PCYT1A: variants seen among roughly 807,000 people sequenced by gnomAD.
The protein encoded by PCYT1A is phosphate cytidylyltransferase 1A, choline, also known as choline-phosphate cytidylyltransferase A.
In PCYT1A, 25 loss-of-function variants were observed where a neutral mutation model predicts 43.7. The ratio of observed to expected loss-of-function variants is 0.57; its 90% CI spans 0.42 to 0.80. PCYT1A has a LOEUF of 0.80. Ranked by LOEUF, PCYT1A falls within the 30% of genes least tolerant of loss-of-function variation. The probability of loss-of-function intolerance (pLI) is 0.00; values close to 1 mark genes in which losing one functional copy is unlikely to be tolerated. For missense variants in PCYT1A, 421 were observed against 474.2 expected, an observed-to-expected ratio of 0.89 and a Z score of 1.04; for synonymous variants, 172 against 170.7, an observed-to-expected ratio of 1.01 and a Z score of -0.06.
chr3:196,265,195 C>T (rs1725230778), intron 2 of PCYT1A, among the ~76,000 whole-genome samples: 1 of 151,964 alleles, frequency 6.6e-6, no homozygotes, highest in South Asian at 2.1e-4. Context: ...TCCTGAGTAG[C>T]TGGGATTACA....
intron 1 of PCYT1A, among the ~76,000 whole-genome samples, chr3:196,280,545 T>G (rs2108782641): frequency 6.6e-6 from 1 of 151,782 alleles, no homozygotes; most frequent in Admixed American, 6.6e-5. Context: ...GTACTGTTTT[T>G]TATTGTTGTA....
At chr3:196,254,019 G>T (rs1351333297) in intron 3 of PCYT1A, among the ~76,000 whole-genome samples, 1 of 148,910 alleles carries the variant, frequency 6.7e-6, no homozygotes, top group African/African-American at 2.5e-5. Context: ...ATGTTATATA[G>T]ATAGATAGAT....
chr3:196,236,073 A>T lies in PCYT1A; in HGVS notation c.*2615T>A, dbSNP rs1242578380. ...AATAACATGTACGTTTGCTGGCCCT[A>T]GCAGTCTCAGAGGCCTGTCAGCCTG... is the stretch of plus-strand genomic sequence containing the variant. On this transcript the variant is annotated 3_prime_UTR_variant, in exon 9 of 9. Transcript: ENST00000431016. 6.6e-6 allele frequency: 1 copy of T among 152,250 alleles called. No homozygotes were observed. The highest frequency in any genetic ancestry group is 2.4e-5 in the African/African-American group (1 of 41,454). The allele number at this position is 152,250 out of a possible 1,614,324, so 9.4% of individuals were successfully genotyped here.
chr3:196,246,566 A>G (rs1577357538), intron 5 of PCYT1A, among the ~76,000 whole-genome samples: 2 of 152,198 alleles, frequency 1.3e-5, no homozygotes, highest in Non-Finnish European at 2.9e-5. Flanking sequence ...GGGAGAATTA[A>G]AAGGAGGTAA....
At position 196,247,312 on chromosome 3, in the gene PCYT1A, T is replaced by G; in HGVS notation, c.486+55A>C. 185 of 1,583,254 alleles carry G rather than the reference T, an allele frequency of 1.2e-4. No individual in the cohort carries two copies. The highest frequency in any genetic ancestry group is 1.5e-4 in the Non-Finnish European group (172 of 1,155,858). On this transcript the variant is annotated intron_variant, in intron 5 of 8. Coordinates refer to ENST00000431016, the MANE Select transcript of PCYT1A (RefSeq NM_001312673.2). The surrounding 1 kb of genome is among the most constrained non-coding windows in gnomAD (Gnocchi z 4.8). ...AAACCAGCCTACGTGCCAGCAGCTT[T>G]GAGAGTTGAGGGGATTCTGAAACAA...
chr3:196,282,127 T>C lies in PCYT1A; in HGVS notation c.-11+5488A>G, dbSNP rs567464474. ...AGACCTTAGCTTTGAACTGGATCTCTTCCCTCTAATTTCGTCAGAGAAACC... is the reference window on the plus strand; with the variant it reads ...AGACCTTAGCTTTGAACTGGATCTCCTCCCTCTAATTTCGTCAGAGAAACC... On this transcript the variant is annotated intron_variant, in intron 1 of 8. Coordinates refer to ENST00000431016, the MANE Select transcript of PCYT1A (RefSeq NM_001312673.2). This position sits in a 1 kb window ranked among gnomAD's most constrained non-coding sequence, Gnocchi z 4.3. Among the ~76,000 whole-genome samples the C allele has an allele frequency of 1.7e-3, 264 of 152,250 alleles. 2 individuals are homozygous for C. The highest frequency in any genetic ancestry group is 6.1e-3 in the African/African-American group (255 of 41,568).
At chr3:196,255,953 T>C (rs1440994221) in intron 3 of PCYT1A, among the ~76,000 whole-genome samples, 2 of 152,202 alleles carry the variant, frequency 1.3e-5, no homozygotes, top group African/African-American at 2.4e-5. Context: ...CTGGCTACCA[T>C]TACACAATCC....
chr3:196,279,232 G>A (rs1251875989), intron 1 of PCYT1A, among the ~76,000 whole-genome samples: 2 of 148,676 alleles, frequency 1.3e-5, no homozygotes, highest in Non-Finnish European at 3.0e-5. Flanking sequence ...AGGCTGCAGT[G>A]AGCCATGATC....
At chr3:196,250,897 G>A (rs1261097665) in intron 3 of PCYT1A, among the ~76,000 whole-genome samples, 1 of 151,738 alleles carries the variant, frequency 6.6e-6, no homozygotes, top group Non-Finnish European at 1.5e-5. Flanking sequence ...TGCTGAGGCT[G>A]AGGACCAGAT....
At chr3:196,248,627 C>T (rs1462861445) in intron 3 of PCYT1A, among the ~76,000 whole-genome samples, 2 of 152,150 alleles carry the variant, frequency 1.3e-5, no homozygotes, top group Non-Finnish European at 2.9e-5. Context: ...CAGCCTCAGC[C>T]TCCCAAAGTG....
chr3:196,283,739 A>G (rs777705372), intron 1 of PCYT1A, among the ~76,000 whole-genome samples: 41 of 152,334 alleles, frequency 2.7e-4, no homozygotes, highest in Non-Finnish European at 4.9e-4. Context: ...TACGCTTAGG[A>G]AAGAGGTTCA....
chr3:196,284,030 A>G (rs940373455), intron 1 of PCYT1A, among the ~76,000 whole-genome samples: 5 of 152,252 alleles, frequency 3.3e-5, no homozygotes, highest in Non-Finnish European at 5.9e-5. Flanking sequence ...TATTCTTTCC[A>G]ATCTATTTCA....
intron 3 of PCYT1A, among the ~76,000 whole-genome samples, chr3:196,255,927 C>T (rs753575694): frequency 6.6e-6 from 1 of 152,152 alleles, no homozygotes; most frequent in South Asian, 2.1e-4. Context: ...TATCTTCTGG[C>T]GTTTTGAAGT....
intron 1 of PCYT1A, among the ~76,000 whole-genome samples, chr3:196,281,048 C>T (rs1725755411): frequency 6.6e-6 from 1 of 152,218 alleles, no homozygotes; most frequent in South Asian, 2.1e-4. Context: ...CTGCCTTCCC[C>T]ATCTCTAGGC....
At chr3:196,253,041 T>A (rs1724849628) in intron 3 of PCYT1A, among the ~76,000 whole-genome samples, 1 of 152,028 alleles carries the variant, frequency 6.6e-6, no homozygotes, top group Admixed American at 6.6e-5. Flanking sequence ...AAATAATACA[T>A]TAAAAAGATT....
Position 196,277,617 on chromosome 3 carries a change from T to C in PCYT1A, c.-10-7076A>G, listed in dbSNP as rs553975963. On this transcript the variant is annotated intron_variant, in intron 1 of 8. Coordinates refer to ENST00000431016, the MANE Select transcript of PCYT1A (RefSeq NM_001312673.2). The surrounding 1 kb of genome is among the most constrained non-coding windows in gnomAD (Gnocchi z 4.1). ...TGGGCGCGGTGGCTCATGCCTGTAATCCCAGCACTTTGGGAGACCAAGGTG... is the reference window on the plus strand; with the variant it reads ...TGGGCGCGGTGGCTCATGCCTGTAACCCCAGCACTTTGGGAGACCAAGGTG... 6.6e-6 allele frequency among the ~76,000 whole-genome samples: 1 copy of C among 152,234 alleles called. No homozygotes were observed. The highest frequency in any genetic ancestry group is 1.9e-4 in the East Asian group (1 of 5,196).
chr3:196,249,313 ATTTTT>A (rs10668425), intron 3 of PCYT1A, among the ~76,000 whole-genome samples: 5 of 125,814 alleles, frequency 4.0e-5, no homozygotes, highest in East Asian at 4.8e-4. Flanking sequence ...TGCCCAGCTA[ATTTTT>A]TTTTTTTTTT....
At chr3:196,274,836 G>A (rs1390017709) in intron 1 of PCYT1A, among the ~76,000 whole-genome samples, 1 of 152,156 alleles carries the variant, frequency 6.6e-6, no homozygotes, top group East Asian at 1.9e-4. Context: ...TGTCAGAGTC[G>A]AAAGTGAAAG....
rs57443989 is a variant in PCYT1A at position 196,276,194 on chromosome 3, T to A, written c.-10-5653A>T. On this transcript the variant is annotated intron_variant, in intron 1 of 8. Transcript: ENST00000431016. ...TTTAAATGTTTTCACCACAAAAAAA[T>A]AAGTATATAAGGCAAGGAATTTGTT... 5.1e-3 allele frequency among the ~76,000 whole-genome samples: 769 copies of A among 151,856 alleles called. 8 individuals carry two copies. Among genetic ancestry groups the A allele is most frequent in the African/African-American group, 0.017 (721 of 41,376 alleles).
Sources: gnomAD v4.1 joint callset for allele counts (sites outside exome capture counted in the v4.1 genomes callset) on GRCh38, gnomAD v4.1.1 for gene constraint, Gnocchi (gnomAD v3.1) non-coding constraint, MANE v1.5 for transcripts, NCBI Gene and HGNC (gene_info 2026-07-23, HGNC 2026-07-21) for gene names.